Variants in GPR20 observed in about 807,000 individuals in gnomAD.
GPR20 encodes the protein G protein-coupled receptor 20.
For missense variants in GPR20, 494 were observed against 527.4 expected, an observed-to-expected ratio of 0.94 and a Z score of 0.62; for synonymous variants, 241 against 241.9, an observed-to-expected ratio of 1.00 and a Z score of 0.04.
intron 1 of GPR20, among the ~76,000 whole-genome samples, chr8:141,364,406 T>C (rs956528654): frequency 1.7e-4 from 26 of 152,216 alleles, no homozygotes; most frequent in Admixed American, 7.2e-4. Context: ...TGAGCCTCCG[T>C]TTCTTCCACC....
At chr8:141,358,671 G>T (rs1022238664) in intron 1 of GPR20, among the ~76,000 whole-genome samples, 2 of 152,234 alleles carry the variant, frequency 1.3e-5, no homozygotes, top group Non-Finnish European at 2.9e-5. Context: ...GGGTCCTCAT[G>T]AGGGACCTTT....
chr8:141,360,545 T>A (rs1831717502), intron 1 of GPR20, among the ~76,000 whole-genome samples: 1 of 152,138 alleles, frequency 6.6e-6, no homozygotes, highest in South Asian at 2.1e-4. Context: ...GATGTCCCGA[T>A]TCGATTATTA....
At position 141,361,043 on chromosome 8, in the gene GPR20, G is replaced by A. The variant is rs186575121; in HGVS notation, c.-24-3096C>T. On this transcript the variant is annotated intron_variant, in intron 1 of 1. Transcript: ENST00000377741. ...TGGTCCTGTCTCCTCCCTCTTTCCT[G>A]GCAGGCACCCTGGGTCTGTCTGAGA... Among the ~76,000 whole-genome samples, 271 of 152,348 alleles carry A rather than the reference G, an allele frequency of 1.8e-3. 1 individual carries two copies. The highest frequency in any genetic ancestry group is 0.01 in the Middle Eastern group (3 of 294).
rs190789866 is a variant in GPR20 at position 141,360,785 on chromosome 8, C to T, written c.-24-2838G>A. 2.3e-3 allele frequency among the ~76,000 whole-genome samples: 347 copies of T among 152,250 alleles called. 4 individuals carry two copies. Among genetic ancestry groups the T allele is most frequent in the Non-Finnish European group, 3.5e-3 (238 of 68,002 alleles). Reference sequence around the variant, plus strand: ...ATGAGCAGTCACCAGCACAGAGACCCGGGTTTGAGTCCAGCCCTGCCACTC... The same window carrying T: ...ATGAGCAGTCACCAGCACAGAGACCTGGGTTTGAGTCCAGCCCTGCCACTC... On this transcript the variant is annotated intron_variant, in intron 1 of 1. Transcript: ENST00000377741.
At chr8:141,363,304 C>T (rs895842515) in intron 1 of GPR20, among the ~76,000 whole-genome samples, 19 of 152,268 alleles carry the variant, frequency 1.2e-4, no homozygotes, top group African/African-American at 4.6e-4. Flanking sequence ...GTTTTGGCAC[C>T]TGGATGGGGC....
intron 1 of GPR20, among the ~76,000 whole-genome samples, chr8:141,360,514 C>T (rs1055449181): frequency 6.6e-6 from 1 of 152,244 alleles, no homozygotes; most frequent in Non-Finnish European, 1.5e-5. Context: ...TGTCAACCCC[C>T]ACCTGCCTCC....
intron 1 of GPR20, among the ~76,000 whole-genome samples, chr8:141,362,823 G>A (rs1424483532): frequency 6.7e-6 from 1 of 150,034 alleles, no homozygotes; most frequent in Non-Finnish European, 1.5e-5. Flanking sequence ...GCGAAATGTC[G>A]GCTCACTGCA....
At chr8:141,360,755 G>C (rs529687970) in intron 1 of GPR20, among the ~76,000 whole-genome samples, 2 of 152,186 alleles carry the variant, frequency 1.3e-5, no homozygotes, top group Non-Finnish European at 2.9e-5. Flanking sequence ...CGGAGGGCCC[G>C]GGTGATGAGC....
intron 1 of GPR20, among the ~76,000 whole-genome samples, chr8:141,363,125 G>A (rs555480064): frequency 5.3e-5 from 8 of 152,336 alleles, no homozygotes; most frequent in South Asian, 2.1e-4. Context: ...TCGAGGCCTC[G>A]GGCAAATCAT....
chr8:141,362,350 T>C (rs900815572), intron 1 of GPR20, among the ~76,000 whole-genome samples: 6 of 152,112 alleles, frequency 3.9e-5, no homozygotes, highest in Admixed American at 2.6e-4. Context: ...GGCGCTGCTA[T>C]GTGCTGCAGG....
intron 1 of GPR20, among the ~76,000 whole-genome samples, chr8:141,360,142 G>A (rs1831711919): frequency 6.6e-6 from 1 of 152,130 alleles, no homozygotes; most frequent in African/African-American, 2.4e-5. Flanking sequence ...CTCTGGAGCT[G>A]GGGGGATGGG....
intron 1 of GPR20, among the ~76,000 whole-genome samples, chr8:141,362,333 A>G (rs1056472648): frequency 7.9e-5 from 12 of 151,866 alleles, no homozygotes; most frequent in Admixed American, 5.9e-4. Context: ...CCCAGGGTTC[A>G]TCCCACGGCG....
chr8:141,361,726 C>T (rs756470804), intron 1 of GPR20, among the ~76,000 whole-genome samples: 9 of 151,734 alleles, frequency 5.9e-5, no homozygotes, highest in East Asian at 5.9e-4. Flanking sequence ...TGGCCGGACA[C>T]GCTGCCCTGC....
At chr8:141,362,407 G>C (rs1309173480) in intron 1 of GPR20, among the ~76,000 whole-genome samples, 1 of 152,188 alleles carries the variant, frequency 6.6e-6, no homozygotes, top group Admixed American at 6.5e-5. Flanking sequence ...TGTGGGTGGG[G>C]GCTGAGCTCC....
chr8:141,362,715 T>C (rs1378930574), intron 1 of GPR20, among the ~76,000 whole-genome samples: 1 of 151,472 alleles, frequency 6.6e-6, no homozygotes, highest in Non-Finnish European at 1.5e-5. Context: ...TCCTAATCAC[T>C]CTGACCATTG....
At chr8:141,366,167 G>C (rs993667541) in intron 1 of GPR20, among the ~76,000 whole-genome samples, 2 of 152,242 alleles carry the variant, frequency 1.3e-5, no homozygotes, top group African/African-American at 4.8e-5. Context: ...CCCACGCCCG[G>C]CTCTCCAGCC....
rs574585646 is a variant in GPR20 at position 141,357,215 on chromosome 8, C to A, written c.709G>T (p.Val237Leu). 3 of 1,567,658 alleles carry A rather than the reference C, an allele frequency of 1.9e-6. No homozygotes were observed. The highest frequency in any genetic ancestry group is 1.3e-5 in the African/African-American group (1 of 74,120). Residue 237 changes from valine (V) to leucine (L), a missense_variant, in exon 2 of 2, where the codon GTG becomes TTG. Coordinates refer to ENST00000377741, the MANE Select transcript of GPR20 (RefSeq NM_005293.3). ...GLLHQGRQRR[V>L]RAMQLLLTVL... Reference sequence around the variant, plus strand: ...GTGAGCAGGAGCTGCATGGCCCGCACGCGGCGCTGGCGACCCTGGTGGAGC... The same window carrying A: ...GTGAGCAGGAGCTGCATGGCCCGCAAGCGGCGCTGGCGACCCTGGTGGAGC...
At chr8:141,363,094 C>T (rs1056307085) in intron 1 of GPR20, among the ~76,000 whole-genome samples, 2 of 152,236 alleles carry the variant, frequency 1.3e-5, no homozygotes, top group East Asian at 1.9e-4. Flanking sequence ...GTTTGCAGGC[C>T]AGCTCTACCA....
Position 141,356,483 on chromosome 8 carries a change from CT to C in GPR20, c.*363del. ...TAATCTTTGTCCTTTTTTCTTTTTT[CT>C]TTTTCATCTCATCCTTCTAATCAAT... is the stretch of plus-strand genomic sequence containing the variant. On this transcript the variant is annotated 3_prime_UTR_variant, in exon 2 of 2. Transcript: ENST00000377741. 3.6e-6 allele frequency: 1 copy of C among 274,700 alleles called. No individual in the cohort carries two copies. Among genetic ancestry groups the C allele is most frequent in the African/African-American group, 2.2e-5 (1 of 45,792 alleles). 17.0% of individuals were successfully genotyped at this position (274,700 alleles called of 1,614,324 possible). A position where few individuals can be genotyped will look rare whatever the true frequency, so the allele number is the denominator to read the frequency against.
Sources: gnomAD v4.1 joint callset for allele counts (sites outside exome capture counted in the v4.1 genomes callset) on GRCh38, gnomAD v4.1.1 for gene constraint, MANE v1.5 for transcripts, NCBI Gene and HGNC (gene_info 2026-07-23, HGNC 2026-07-21) for gene names.